Variants in MAF observed in about 807,000 individuals in gnomAD.
MAF encodes the protein MAF bZIP transcription factor.
Under a neutral mutation model 22.0 loss-of-function variants are expected in MAF, and 10 were observed. The ratio of observed to expected loss-of-function variants is 0.45; its 90% CI spans 0.28 to 0.77. The LOEUF (loss-of-function observed/expected upper bound fraction) is 0.77. Ranked by LOEUF, MAF falls within the 30% of genes least tolerant of loss-of-function variation. The pLI, the probability that MAF is intolerant of heterozygous loss-of-function variation, is 0.12. For missense variants in MAF, 544 were observed against 548.4 expected, an observed-to-expected ratio of 0.99 and a Z score of 0.08; for synonymous variants, 337 against 255.8, an observed-to-expected ratio of 1.32 and a Z score of -3.03.
At chr16:79,282,247 C>T in the MAF span, among the ~76,000 whole-genome samples, 2 of 152,158 alleles carry the variant, frequency 1.3e-5, no homozygotes, top group South Asian at 2.1e-4. Flanking sequence ...AATGGAGACT[C>T]GGAGTGGTAT....
the MAF span, among the ~76,000 whole-genome samples, chr16:79,420,203 C>T: frequency 6.6e-6 from 1 of 152,268 alleles, no homozygotes; most frequent in South Asian, 2.1e-4. Flanking sequence ...TAAGATTGAT[C>T]CCTCAGATGT....
At chr16:79,570,634 C>G in the MAF span, among the ~76,000 whole-genome samples, 3 of 152,190 alleles carry the variant, frequency 2.0e-5, no homozygotes, top group Non-Finnish European at 4.4e-5. Flanking sequence ...ACAACTGGCT[C>G]TATGGGTGGG....
At chr16:79,594,951 T>C in intron 1 of MAF, 1 of 1,100,288 alleles carries the variant, frequency 9.1e-7, no homozygotes, top group Non-Finnish European at 1.1e-6. Flanking sequence ...CAACTATATT[T>C]TCCTTCCAAT....
chr16:79,260,543 T>C, the MAF span, among the ~76,000 whole-genome samples: 2 of 151,028 alleles, frequency 1.3e-5, no homozygotes, highest in African/African-American at 4.9e-5. Context: ...GGAAACACTA[T>C]GAGAGCAGGG....
chr16:79,238,475 G>C, the MAF span, among the ~76,000 whole-genome samples: 1 of 151,992 alleles, frequency 6.6e-6, no homozygotes, highest in Non-Finnish European at 1.5e-5. Flanking sequence ...AGTGGAATCT[G>C]GGCTATTATG....
At chr16:79,339,061 T>C in the MAF span, among the ~76,000 whole-genome samples, 1 of 151,948 alleles carries the variant, frequency 6.6e-6, no homozygotes, top group Non-Finnish European at 1.5e-5. Context: ...ATTTTTATTT[T>C]TTATTTTTTA....
chr16:79,476,862 A>T, the MAF span, among the ~76,000 whole-genome samples: 15 of 152,154 alleles, frequency 9.9e-5, no homozygotes, highest in South Asian at 8.3e-4. Flanking sequence ...GACATTTTTT[A>T]AAAAATGTCA....
chr16:79,318,797 C>A, the MAF span, among the ~76,000 whole-genome samples: 1 of 152,154 alleles, frequency 6.6e-6, no homozygotes, highest in African/African-American at 2.4e-5. Flanking sequence ...AAGAGCATCT[C>A]AGGACACCAG....
the MAF span, among the ~76,000 whole-genome samples, chr16:79,350,557 AAGC>A: frequency 1.3e-5 from 2 of 152,158 alleles, no homozygotes; most frequent in African/African-American, 4.8e-5. Context: ...ACTCAACAGT[AAGC>A]AGAAGTGATA....
chr16:79,523,403 T>C, the MAF span, among the ~76,000 whole-genome samples: 1 of 152,260 alleles, frequency 6.6e-6, no homozygotes, highest in Non-Finnish European at 1.5e-5. Flanking sequence ...GTTGAAGCTC[T>C]AGAAGTCTTA....
the MAF span, among the ~76,000 whole-genome samples, chr16:79,393,077 T>C: frequency 6.6e-6 from 1 of 152,266 alleles, no homozygotes; most frequent in African/African-American, 2.4e-5. Context: ...ACATTCCCTT[T>C]GCTCCCGTCT....
the MAF span, among the ~76,000 whole-genome samples, chr16:79,271,689 A>T: frequency 1.3e-5 from 2 of 152,252 alleles, no homozygotes; most frequent in African/African-American, 4.8e-5. Flanking sequence ...ACTGCTAAGG[A>T]ACCTAAGTTG....
At chr16:79,323,506 C>A in the MAF span, among the ~76,000 whole-genome samples, 1 of 152,142 alleles carries the variant, frequency 6.6e-6, no homozygotes, top group Non-Finnish European at 1.5e-5. Context: ...TAAACTTCAG[C>A]TTGCAAGACC....
At chr16:79,415,464 T>G in the MAF span, among the ~76,000 whole-genome samples, 1 of 152,076 alleles carries the variant, frequency 6.6e-6, no homozygotes, top group African/African-American at 2.4e-5. Flanking sequence ...TTGAAAAATC[T>G]CTCTACTATC....
chr16:79,327,747 C>G, the MAF span, among the ~76,000 whole-genome samples: 1 of 152,180 alleles, frequency 6.6e-6, no homozygotes. Context: ...ACCGCTTTAT[C>G]TCTTTTAATC....
chr16:79,412,548 A>G, the MAF span, among the ~76,000 whole-genome samples: 4,320 of 152,308 alleles, frequency 0.028, 130 homozygotes, highest in African/African-American at 0.07. Flanking sequence ...TGTGTATTGC[A>G]GGATATTGAA....
chr16:79,230,010 A>AG, the MAF span, among the ~76,000 whole-genome samples: 9 of 152,078 alleles, frequency 5.9e-5, no homozygotes, highest in Middle Eastern at 3.4e-3. Flanking sequence ...AGAAAAAAAA[A>AG]GAATAAAAGC....
chr16:79,251,176 A>C, the MAF span, among the ~76,000 whole-genome samples: 2 of 152,216 alleles, frequency 1.3e-5, no homozygotes, highest in Non-Finnish European at 2.9e-5. Context: ...TCCAAAACTG[A>C]CCAACCTGAA....
At chr16:79,507,231 A>G in the MAF span, among the ~76,000 whole-genome samples, 1 of 148,820 alleles carries the variant, frequency 6.7e-6, no homozygotes, top group Non-Finnish European at 1.5e-5. Context: ...CTCTTGCCTC[A>G]GCCTCCCAAG....
Sources: gnomAD v4.1 joint callset for allele counts (sites outside exome capture counted in the v4.1 genomes callset) on GRCh38, gnomAD v4.1.1 for gene constraint, MANE v1.5 for transcripts, NCBI Gene and HGNC (gene_info 2026-07-23, HGNC 2026-07-21) for gene names.